Variants in QKI observed in about 807,000 individuals in gnomAD.
QKI encodes the protein QKI, KH domain containing RNA binding.
QKI carries 10 observed loss-of-function variants against 39.0 expected under a neutral mutation model. The observed-to-expected ratio is 0.26, with a 90% CI of 0.16 to 0.43. QKI has a LOEUF of 0.43. Ranked by LOEUF, QKI falls within the 20% of genes least tolerant of loss-of-function variation. QKI has a pLI of 1.00. For missense variants in QKI, 218 were observed against 428.0 expected (o/e 0.51, Z 4.33); for synonymous variants, 204 against 155.4 (o/e 1.31, Z -2.33).
intron 7 of QKI, chr6:163,568,302 C>T (rs920077046): frequency 9.9e-5 from 98 of 984,982 alleles, no homozygotes; most frequent in Non-Finnish European, 1.2e-4. Context: ...AGATTTCTCA[C>T]CATTTTGCTT....
chr6:163,462,782 G>A (rs1023724097), intron 2 of QKI, among the ~76,000 whole-genome samples: 11 of 152,144 alleles, frequency 7.2e-5, no homozygotes, highest in Admixed American at 4.6e-4. Context: ...TACTGATATA[G>A]CCACAATCCT....
rs1437914389 is a variant in QKI, at chr6:163,576,874, ACT to A, written c.*6167_*6168del. The A allele has an allele frequency of 6.6e-6, 1 of 152,302 alleles. No individual in the cohort carries two copies. Among genetic ancestry groups the A allele is most frequent in the African/African-American group, 2.4e-5 (1 of 41,558 alleles). The allele number at this position is 152,302 out of a possible 1,614,324, so 9.4% of individuals were successfully genotyped here. On this transcript the variant is annotated 3_prime_UTR_variant, in exon 8 of 8. Transcript: ENST00000361752. ...ACATTAGAAAATGAGCATAACATTC[ACT>A]CTGATTTTAGCCATTAAGGGAGATT...
At chr6:163,430,949 T>C (rs1788776800) in intron 1 of QKI, among the ~76,000 whole-genome samples, 1 of 152,176 alleles carries the variant, frequency 6.6e-6, no homozygotes, top group Non-Finnish European at 1.5e-5. Flanking sequence ...GGATTTGCAG[T>C]CAAGAAAGTT....
intron 1 of QKI, among the ~76,000 whole-genome samples, chr6:163,451,146 C>G (rs913363625): frequency 1.3e-5 from 2 of 152,166 alleles, no homozygotes; most frequent in African/African-American, 4.8e-5. Context: ...GGTGTCTAAA[C>G]AAACAGTTGT....
At chr6:163,565,546 G>A in intron 6 of QKI, 4 of 990,348 alleles carry the variant, frequency 4.0e-6, no homozygotes, top group Non-Finnish European at 4.8e-6. Flanking sequence ...TTTGTTTGTT[G>A]GAAAATTTTT....
At chr6:163,425,579 A>AT (rs1389569691) in intron 1 of QKI, among the ~76,000 whole-genome samples, 5 of 152,166 alleles carry the variant, frequency 3.3e-5, no homozygotes, top group African/African-American at 1.2e-4. Context: ...CTTTAGGAAA[A>AT]TTTTTTGAGT....
rs897856950 is a variant in QKI at position 163,575,617 on chromosome 6, A to C, written c.*4907A>C. On this transcript the variant is annotated 3_prime_UTR_variant, in exon 8 of 8. Transcript: ENST00000361752. Reference sequence around the variant, plus strand: ...CCATACGCACCAGTGCAGTAGCTCCAGGTGTAAGAGGTCACGAAGGCACCC... The same window carrying C: ...CCATACGCACCAGTGCAGTAGCTCCCGGTGTAAGAGGTCACGAAGGCACCC... The C allele has an allele frequency of 2.0e-5, 3 of 152,216 alleles. No individual in the cohort carries two copies. Among genetic ancestry groups the C allele is most frequent in the African/African-American group, 7.2e-5 (3 of 41,454 alleles). 9.4% of individuals were successfully genotyped at this position (152,216 alleles called of 1,614,324 possible). A position where few individuals can be genotyped will look rare whatever the true frequency, so the allele number is the denominator to read the frequency against.
intron 2 of QKI, among the ~76,000 whole-genome samples, chr6:163,478,200 T>G (rs1365650679): frequency 6.6e-6 from 1 of 152,214 alleles, no homozygotes; most frequent in African/African-American, 2.4e-5. Flanking sequence ...TTTAGTGATA[T>G]TCAGAGTTTA....
At chr6:163,464,111 A>G (rs79983602) in intron 2 of QKI, among the ~76,000 whole-genome samples, 6,063 of 152,252 alleles carry the variant, frequency 0.04, 412 homozygotes, top group African/African-American at 0.14. Flanking sequence ...CATGGTATGC[A>G]GTGATCTGCC....
At chr6:163,446,853 A>G (rs1790193538) in intron 1 of QKI, among the ~76,000 whole-genome samples, 1 of 152,166 alleles carries the variant, frequency 6.6e-6, no homozygotes, top group South Asian at 2.1e-4. Flanking sequence ...TTCTGTGTCT[A>G]CTGGCAGTAT....
Position 163,414,976 on chromosome 6 carries a change from GGGAGC to G in QKI, c.-216_-212del. The G allele has an allele frequency of 4.1e-6, 1 of 241,060 alleles. No individual in the cohort carries two copies. The highest frequency in any genetic ancestry group is 6.5e-6 in the Non-Finnish European group (1 of 152,732). 14.9% of individuals were successfully genotyped at this position (241,060 alleles called of 1,614,324 possible). A position where few individuals can be genotyped will look rare whatever the true frequency, so the allele number is the denominator to read the frequency against. On this transcript the variant is annotated 5_prime_UTR_variant, in exon 1 of 8. Coordinates refer to ENST00000361752, the MANE Select transcript of QKI (RefSeq NM_006775.3). ...CGGGCGGCCGAGAGCGGCGGCGGCTGGGAGCGCGTCGGGCCCGGGCGGAAAGTGCC... is the reference window on the plus strand; with the variant it reads ...CGGGCGGCCGAGAGCGGCGGCGGCTGGCGTCGGGCCCGGGCGGAAAGTGCC...
chr6:163,567,844 T>A (rs1583234966), intron 7 of QKI: 2 of 985,022 alleles, frequency 2.0e-6, no homozygotes. Context: ...ATTGTACATC[T>A]TCTATGAATT....
intron 1 of QKI, among the ~76,000 whole-genome samples, chr6:163,441,701 C>A (rs916268626): frequency 6.6e-6 from 1 of 152,126 alleles, no homozygotes; most frequent in Admixed American, 6.5e-5. Context: ...AAAACTGGAG[C>A]AGAAATCTGA....
chr6:163,432,731 T>A (rs1309391937), intron 1 of QKI, among the ~76,000 whole-genome samples: 2 of 145,770 alleles, frequency 1.4e-5, no homozygotes, highest in African/African-American at 5.0e-5. Context: ...TCTGAGTCAT[T>A]TGCTTTGGAA....
chr6:163,554,176 G>A (rs1029425640), intron 4 of QKI, among the ~76,000 whole-genome samples: 2 of 152,178 alleles, frequency 1.3e-5, no homozygotes, highest in Admixed American at 6.5e-5. Context: ...GGAAGGGGCT[G>A]CACGATGAGA....
At chr6:163,423,550 T>A (rs1441729405) in intron 1 of QKI, 1 of 152,138 alleles carries the variant, frequency 6.6e-6, no homozygotes, top group Non-Finnish European at 1.5e-5. Flanking sequence ...CTGGAATATT[T>A]CCATATGCTA....
At position 163,503,346 on chromosome 6, in the gene QKI, C is replaced by G. The variant is rs148663475; in HGVS notation, c.402+24450C>G. Among the ~76,000 whole-genome samples, 18 of 152,126 alleles carry G rather than the reference C, an allele frequency of 1.2e-4. No individual in the cohort carries two copies. In the East Asian group the frequency reaches 3.3e-3, roughly 28 times the overall value. On this transcript the variant is annotated intron_variant, in intron 3 of 7. Transcript: ENST00000361752. ...CATTCTTCTGCATGTGGCTAGCCAG[C>G]TCTCCCAGCACCATTGATTGAATAT... is the stretch of plus-strand genomic sequence containing the variant.
intron 4 of QKI, among the ~76,000 whole-genome samples, chr6:163,546,207 G>A (rs1032496460): frequency 3.3e-5 from 5 of 151,380 alleles, no homozygotes; most frequent in African/African-American, 9.7e-5. Context: ...TAGAAAAATA[G>A]GCGAGTGATT....
intron 1 of QKI, among the ~76,000 whole-genome samples, chr6:163,426,485 C>T (rs1031498678): frequency 1.3e-5 from 2 of 152,078 alleles, no homozygotes; most frequent in Non-Finnish European, 2.9e-5. Context: ...TAGATGGATC[C>T]TTGTACTTTA....
Sources: gnomAD v4.1 joint callset for allele counts (sites outside exome capture counted in the v4.1 genomes callset) on GRCh38, gnomAD v4.1.1 for gene constraint, MANE v1.5 for transcripts, NCBI Gene and HGNC (gene_info 2026-07-23, HGNC 2026-07-21) for gene names.